CCDC134: variants seen among roughly 807,000 people sequenced by gnomAD.
CCDC134 encodes coiled-coil domain containing 134.
Under a neutral mutation model 25.6 loss-of-function variants are expected in CCDC134, and 27 were observed. That is an observed-to-expected ratio of 1.05 (90% confidence interval 0.78 to 1.45). The LOEUF (loss-of-function observed/expected upper bound fraction) is 1.45, where lower values mean the gene tolerates loss of function less well. Among genes scored for constraint, CCDC134 ranks in the 40% most tolerant of loss-of-function variants. The pLI, the probability that CCDC134 is intolerant of heterozygous loss-of-function variation, is 0.00. For missense variants in CCDC134, 261 were observed against 286.7 expected, an observed-to-expected ratio of 0.91 and a Z score of 0.65; for synonymous variants, 110 against 115.0, an observed-to-expected ratio of 0.96 and a Z score of 0.28.
At chr22:41,814,262 T>C (rs899567118) in intron 6 of CCDC134, among the ~76,000 whole-genome samples, 2 of 151,992 alleles carry the variant, frequency 1.3e-5, no homozygotes, top group Admixed American at 6.6e-5. Flanking sequence ...GGAGACCAAG[T>C]TTGGGATAAA....
At position 41,826,501 on chromosome 22, in the gene CCDC134, G is replaced by T. The variant is rs942414673; in HGVS notation, c.*678G>T. Among the ~76,000 whole-genome samples, 1 of 152,188 alleles carries T rather than the reference G, an allele frequency of 6.6e-6. No individual in the cohort carries two copies. The highest frequency in any genetic ancestry group is 1.5e-5 in the Non-Finnish European group (1 of 68,026). On this transcript the variant is annotated 3_prime_UTR_variant, in exon 7 of 7. Transcript: ENST00000255784. ...TTGGGAAAGGACCTGGAAGTGCCCT[G>T]GGACCTGGGAAACATTTAGCTCAAG... is the stretch of plus-strand genomic sequence containing the variant.
chr22:41,823,845 A>G (rs1287060480), intron 6 of CCDC134, among the ~76,000 whole-genome samples: 1 of 152,192 alleles, frequency 6.6e-6, no homozygotes, highest in Non-Finnish European at 1.5e-5. Context: ...AACCCACCAG[A>G]ACACGGGGAG....
At chr22:41,822,328 C>T (rs1427302069) in intron 6 of CCDC134, among the ~76,000 whole-genome samples, 1 of 152,166 alleles carries the variant, frequency 6.6e-6, no homozygotes, top group Non-Finnish European at 1.5e-5. Flanking sequence ...ACAGTGAAGA[C>T]AGCGGAGGCA....
intron 6 of CCDC134, 105 bp downstream of exon 6, chr22:41,813,927 C>T: frequency 1.0e-6 from 1 of 982,532 alleles, no homozygotes; most frequent in Non-Finnish European, 1.6e-6. Context: ...GACTTGGAGC[C>T]AGGCAGCCTG....
intron 6 of CCDC134, among the ~76,000 whole-genome samples, chr22:41,821,898 CCT>C (rs2076654103): frequency 6.6e-6 from 1 of 152,078 alleles, no homozygotes; most frequent in South Asian, 2.1e-4. Context: ...CTACTTTCAT[CCT>C]CTCTGTGAGA....
chr22:41,814,428 G>A (rs191982431), intron 6 of CCDC134, among the ~76,000 whole-genome samples: 6 of 152,294 alleles, frequency 3.9e-5, no homozygotes, highest in Admixed American at 1.3e-4. Context: ...CTGGCCAGGC[G>A]TGGTGGTGCA....
At chr22:41,821,068 C>T (rs1218598892) in intron 6 of CCDC134, among the ~76,000 whole-genome samples, 1 of 152,064 alleles carries the variant, frequency 6.6e-6, no homozygotes, top group Non-Finnish European at 1.5e-5. Context: ...CAAGAGTTTC[C>T]CAGAGGCCAC....
In CCDC134 at chr22:41,828,477, T is replaced by G. The variant is rs1293350090; in HGVS notation, c.*2654T>G. Among the ~76,000 whole-genome samples the G allele has an allele frequency of 2.0e-5, 3 of 152,176 alleles. No homozygotes were observed. The highest frequency in any genetic ancestry group is 7.2e-5 in the African/African-American group (3 of 41,426). On this transcript the variant is annotated 3_prime_UTR_variant, in exon 7 of 7. Coordinates refer to ENST00000255784, the MANE Select transcript of CCDC134 (RefSeq NM_024821.5). The stretch of plus-strand genomic sequence containing the variant: ...GGCACCTCCTTCCTCCTGGGCTCTT[T>G]CCTCTAATACCGTCATCCTCTCTCC...
chr22:41,827,956 G>C lies in CCDC134; in HGVS notation c.*2133G>C, dbSNP rs1459502782. Among the ~76,000 whole-genome samples, 1 of 152,240 alleles carries C rather than the reference G, an allele frequency of 6.6e-6. No homozygotes were observed. Among genetic ancestry groups the C allele is most frequent in the African/African-American group, 2.4e-5 (1 of 41,460 alleles). ...GTGCTTGGCTTTCCCCTTAACTGGAGAAAAAACTTTCTAAGAACCAGGCCT... is the reference window on the plus strand; with the variant it reads ...GTGCTTGGCTTTCCCCTTAACTGGACAAAAAACTTTCTAAGAACCAGGCCT... On this transcript the variant is annotated 3_prime_UTR_variant, in exon 7 of 7. Transcript: ENST00000255784.
At chr22:41,802,528 C>T (rs2076548389) in intron 1 of CCDC134, among the ~76,000 whole-genome samples, 1 of 152,148 alleles carries the variant, frequency 6.6e-6, no homozygotes, top group Non-Finnish European at 1.5e-5. Context: ...CCAGCCTGGG[C>T]AACCGCCAAG....
At chr22:41,817,032 T>A (rs1307519385) in intron 6 of CCDC134, among the ~76,000 whole-genome samples, 1 of 152,194 alleles carries the variant, frequency 6.6e-6, no homozygotes. Flanking sequence ...CAGGTATGAA[T>A]GGGACCAGGG....
At chr22:41,807,311 C>T (rs1222153984) in intron 1 of CCDC134, among the ~76,000 whole-genome samples, 1 of 152,158 alleles carries the variant, frequency 6.6e-6, no homozygotes, top group Non-Finnish European at 1.5e-5. Flanking sequence ...CACCTGTATC[C>T]CAGTACTTTG....
intron 4 of CCDC134, 67 bp downstream of exon 4, chr22:41,810,358 C>T (rs1050658487): frequency 2.1e-6 from 3 of 1,418,256 alleles, no homozygotes; most frequent in South Asian, 2.4e-5. Flanking sequence ...TCCTTCTCTC[C>T]TGTTCTTGTC....
chr22:41,816,006 G>T (rs1160473239), intron 6 of CCDC134, among the ~76,000 whole-genome samples: 1 of 152,124 alleles, frequency 6.6e-6, no homozygotes, highest in African/African-American at 2.4e-5. Context: ...AGGTCCTGGA[G>T]GACCAGTAAG....
At chr22:41,816,797 A>C (rs1486917864) in intron 6 of CCDC134, among the ~76,000 whole-genome samples, 2 of 152,162 alleles carry the variant, frequency 1.3e-5, no homozygotes, top group African/African-American at 4.8e-5. Context: ...GCATGCCTGG[A>C]GTCCTGGCTA....
At chr22:41,819,507 A>G (rs1182976201) in intron 6 of CCDC134, among the ~76,000 whole-genome samples, 1 of 152,194 alleles carries the variant, frequency 6.6e-6, no homozygotes, top group African/African-American at 2.4e-5. Flanking sequence ...TTCATTCAGC[A>G]TCAAGTGAGT....
intron 6 of CCDC134, among the ~76,000 whole-genome samples, chr22:41,815,456 C>T (rs886646762): frequency 1.3e-5 from 2 of 152,016 alleles, no homozygotes; most frequent in South Asian, 2.1e-4. Context: ...CCACCCGCCT[C>T]GGCCTCCCAA....
chr22:41,808,235 G>C (rs1392639789), intron 1 of CCDC134, among the ~76,000 whole-genome samples: 1 of 151,938 alleles, frequency 6.6e-6, no homozygotes, highest in Non-Finnish European at 1.5e-5. Flanking sequence ...ATTCTATGTA[G>C]TACCTATGGT....
rs973117358 is a variant in CCDC134, at chr22:41,829,321, C to T, written c.*3498C>T. 6.6e-6 allele frequency among the ~76,000 whole-genome samples: 1 copy of T among 152,182 alleles called. No homozygotes were observed. Among genetic ancestry groups the T allele is most frequent in the Non-Finnish European group, 1.5e-5 (1 of 68,040 alleles). On this transcript the variant is annotated 3_prime_UTR_variant, in exon 7 of 7. Coordinates refer to ENST00000255784, the MANE Select transcript of CCDC134 (RefSeq NM_024821.5). ...GTCAAGTCTGAGCTGACTCTCTCTT[C>T]CGGATTCTTCTTTCCTCACCTGCCC...
Sources: gnomAD v4.1 joint callset for allele counts (sites outside exome capture counted in the v4.1 genomes callset) on GRCh38, gnomAD v4.1.1 for gene constraint, MANE v1.5 for transcripts, NCBI Gene and HGNC (gene_info 2026-07-23, HGNC 2026-07-21) for gene names.